Variants in CACNA2D3 observed in about 807,000 individuals in gnomAD.
CACNA2D3 encodes calcium voltage-gated channel auxiliary subunit alpha2delta 3.
CACNA2D3 carries 60 observed loss-of-function variants against 160.6 expected under a neutral mutation model. The ratio of observed to expected loss-of-function variants is 0.37; its 90% CI spans 0.30 to 0.46. CACNA2D3 has a LOEUF of 0.46. Among genes scored for constraint, CACNA2D3 ranks in the 20% least tolerant of loss-of-function variants. The pLI is 1.00. For missense variants in CACNA2D3, 1,205 were observed against 1,365.0 expected (o/e 0.88, Z 1.85); for synonymous variants, 558 against 492.9 (o/e 1.13, Z -1.75).
At chr3:54,344,347 C>T (rs1698417855) in intron 3 of CACNA2D3, among the ~76,000 whole-genome samples, 1 of 152,052 alleles carries the variant, frequency 6.6e-6, no homozygotes. Context: ...TGTCTCTGCT[C>T]CCACCTCAGT....
intron 13 of CACNA2D3, among the ~76,000 whole-genome samples, chr3:54,803,835 C>T (rs1703051492): frequency 6.6e-6 from 1 of 152,158 alleles, no homozygotes; most frequent in African/African-American, 2.4e-5. Flanking sequence ...AAGGGAAGCC[C>T]ATCAGACTAA....
intron 5 of CACNA2D3, among the ~76,000 whole-genome samples, chr3:54,538,314 T>C (rs139861384): frequency 6.6e-6 from 1 of 152,360 alleles, no homozygotes; most frequent in East Asian, 1.9e-4. Flanking sequence ...CAGCCTGCTA[T>C]GAATGCCTTC....
intron 2 of CACNA2D3, among the ~76,000 whole-genome samples, chr3:54,245,224 TAAA>T (rs932166414): frequency 2.1e-4 from 32 of 151,992 alleles, no homozygotes; most frequent in African/African-American, 7.2e-4. Context: ...ATTTTTTTTT[TAAA>T]AAATTTAAAT....
At chr3:54,782,627 C>T (rs987249887) in intron 13 of CACNA2D3, among the ~76,000 whole-genome samples, 6 of 152,060 alleles carry the variant, frequency 3.9e-5, no homozygotes, top group Non-Finnish European at 7.4e-5. Flanking sequence ...TCACTCTTTG[C>T]GGTCAAGGCC....
At chr3:54,413,714 A>G (rs1371408863) in intron 4 of CACNA2D3, among the ~76,000 whole-genome samples, 1 of 150,902 alleles carries the variant, frequency 6.6e-6, no homozygotes, top group Non-Finnish European at 1.5e-5. Flanking sequence ...TATTTCATAT[A>G]TTGTATTTTT....
intron 35 of CACNA2D3, among the ~76,000 whole-genome samples, chr3:55,034,658 A>G (rs1703773135): frequency 6.6e-6 from 1 of 152,060 alleles, no homozygotes; most frequent in Non-Finnish European, 1.5e-5. Context: ...AAATAGAACA[A>G]TATTATAAAT....
intron 11 of CACNA2D3, among the ~76,000 whole-genome samples, chr3:54,719,041 A>G (rs969923640): frequency 2.0e-5 from 3 of 151,902 alleles, no homozygotes; most frequent in African/African-American, 7.2e-5. Context: ...GTTAATGATG[A>G]CTATATCTTT....
Position 54,771,892 on chromosome 3 carries a change from G to A in CACNA2D3, c.1380+7541G>A, listed in dbSNP as rs147569620. On this transcript the variant is annotated intron_variant, in intron 13 of 37. Transcript: ENST00000474759. ...GGTCTCTGTCCATGTGCTCTGGTCT[G>A]AGAGGGAAAGATAATGCCAGAAGGA... Among the ~76,000 whole-genome samples the A allele has an allele frequency of 7.9e-5, 12 of 152,174 alleles. No individual in the cohort carries two copies. The East Asian group carries it at 2.3e-3, about 29-fold the overall frequency.
intron 10 of CACNA2D3, among the ~76,000 whole-genome samples, chr3:54,629,198 T>G (rs188056879): frequency 6.6e-6 from 1 of 152,130 alleles, no homozygotes; most frequent in African/African-American, 2.4e-5. Flanking sequence ...TCCCAAGGCC[T>G]TGCTGCTGTT....
At chr3:54,194,822 A>G (rs1433038197) in intron 2 of CACNA2D3, among the ~76,000 whole-genome samples, 1 of 152,224 alleles carries the variant, frequency 6.6e-6, no homozygotes, top group Non-Finnish European at 1.5e-5. Context: ...CAAAGCCCTC[A>G]TGATTTAATC....
intron 11 of CACNA2D3, among the ~76,000 whole-genome samples, chr3:54,668,165 G>A (rs948813104): frequency 6.6e-6 from 1 of 152,134 alleles, no homozygotes; most frequent in Non-Finnish European, 1.5e-5. Flanking sequence ...CTCTGAGCAT[G>A]GGAGAGAATG....
intron 11 of CACNA2D3, among the ~76,000 whole-genome samples, chr3:54,650,538 A>AT (rs944939536): frequency 2.0e-5 from 3 of 152,018 alleles, no homozygotes; most frequent in African/African-American, 7.2e-5. Flanking sequence ...TAATTTTTAT[A>AT]TTTTTTAGTA....
At chr3:54,123,024 G>A (rs964591740) in intron 1 of CACNA2D3, among the ~76,000 whole-genome samples, 189 bp downstream of exon 1, 1 of 150,580 alleles carries the variant, frequency 6.6e-6, no homozygotes, top group Non-Finnish European at 1.5e-5. Flanking sequence ...GCCCCTGCCC[G>A]CAGGTTGCCG....
intron 31 of CACNA2D3, among the ~76,000 whole-genome samples, chr3:55,002,914 C>T (rs1406565555): frequency 6.6e-6 from 1 of 152,188 alleles, no homozygotes; most frequent in Non-Finnish European, 1.5e-5. Context: ...CTCCACATCA[C>T]ATTTTGCAGT....
chr3:54,789,167 AAC>A (rs1328376860), intron 13 of CACNA2D3, among the ~76,000 whole-genome samples: 2 of 152,210 alleles, frequency 1.3e-5, no homozygotes, highest in Non-Finnish European at 2.9e-5. Flanking sequence ...ATAAATATAT[AAC>A]AGTCTTATGA....
At chr3:54,494,871 T>C (rs933058854) in intron 4 of CACNA2D3, among the ~76,000 whole-genome samples, 3 of 152,076 alleles carry the variant, frequency 2.0e-5, no homozygotes, top group African/African-American at 7.2e-5. Context: ...GGCATACTTA[T>C]CAAACATCCA....
chr3:54,698,508 C>T (rs1000873529), intron 11 of CACNA2D3, among the ~76,000 whole-genome samples: 1 of 152,160 alleles, frequency 6.6e-6, no homozygotes, highest in African/African-American at 2.4e-5. Context: ...TCTGAATGAT[C>T]TTGATACTCA....
intron 4 of CACNA2D3, among the ~76,000 whole-genome samples, chr3:54,427,078 CTG>C (rs1699921359): frequency 1.3e-5 from 2 of 151,888 alleles, no homozygotes; most frequent in Non-Finnish European, 2.9e-5. Context: ...CGTACCCTTT[CTG>C]TGTTTTGGAC....
chr3:54,295,427 C>CAT (rs56926374), intron 2 of CACNA2D3, among the ~76,000 whole-genome samples: 33,699 of 152,032 alleles, frequency 0.22, 3,900 homozygotes, highest in South Asian at 0.34. Flanking sequence ...GTCCTGAAGA[C>CAT]GTGCCCAAGG....
Sources: allele counts gnomAD v4.1 joint callset (sites outside exome capture counted in the v4.1 genomes callset), GRCh38; gene constraint gnomAD v4.1.1; transcripts MANE v1.5; gene names NCBI Gene and HGNC (gene_info 2026-07-23, HGNC 2026-07-21).